Variants in KIF26B observed in about 807,000 individuals in gnomAD.
KIF26B encodes the protein kinesin-like protein KIF26B.
A neutral mutation model predicts 151.2 loss-of-function variants in KIF26B; 63 were observed. The ratio of observed to expected loss-of-function variants is 0.42; its 90% CI spans 0.34 to 0.51. The LOEUF is 0.51. Among genes scored for constraint, KIF26B ranks in the 20% least tolerant of loss-of-function variants. The probability of loss-of-function intolerance (pLI) is 0.07; values close to 1 mark genes in which losing one functional copy is unlikely to be tolerated. For synonymous variants in KIF26B, 1,357 were observed against 1,262.1 expected (o/e 1.08, Z -1.59); for missense variants, 2,813 against 2,913.6 (o/e 0.97, Z 0.79).
At chr1:245,413,286 A>T (rs189320526) in intron 3 of KIF26B, among the ~76,000 whole-genome samples, 313 of 152,338 alleles carry the variant, frequency 2.1e-3, no homozygotes, top group Non-Finnish European at 4.0e-3. Flanking sequence ...CTCAGGAAGA[A>T]TCATGTATCT....
intron 5 of KIF26B, among the ~76,000 whole-genome samples, chr1:245,587,817 G>C (rs2043243812): frequency 6.6e-6 from 1 of 152,192 alleles, no homozygotes; most frequent in Admixed American, 6.5e-5. Flanking sequence ...TGGTCTTGGA[G>C]GAAAGCTGAT....
At chr1:245,360,142 G>T (rs2103005630) in intron 2 of KIF26B, among the ~76,000 whole-genome samples, 1 of 151,720 alleles carries the variant, frequency 6.6e-6, no homozygotes, top group South Asian at 2.1e-4. Context: ...CAAAGTTCTG[G>T]GATTACAGGT....
chr1:245,407,078 G>C (rs947349847), intron 3 of KIF26B, among the ~76,000 whole-genome samples: 2 of 152,194 alleles, frequency 1.3e-5, no homozygotes, highest in African/African-American at 4.8e-5. Context: ...GTAAGCCACT[G>C]TGCCCGGCCC....
rs56893913 is a variant in KIF26B, at chr1:245,652,102, CTGTGTGTGTG to C, written c.2258+5857_2258+5866del. On this transcript the variant is annotated intron_variant, in intron 10 of 14. Transcript: ENST00000407071. ...GAAACGGAGAGGTTCATGTAAGAAT[CTGTGTGTGTG>C]TGTGTGTGTGTGTGTGTGTGTGTGT... 1.4e-3 allele frequency among the ~76,000 whole-genome samples: 191 copies of C among 136,342 alleles called. 2 individuals carry two copies. Among genetic ancestry groups the C allele is most frequent in the East Asian group, 7.3e-3 (35 of 4,800 alleles). 89.4% of individuals were successfully genotyped at this position (136,342 alleles called of 152,430 possible).
intron 2 of KIF26B, among the ~76,000 whole-genome samples, chr1:245,342,409 A>G (rs1672352386): frequency 6.6e-6 from 1 of 152,184 alleles, no homozygotes; most frequent in Non-Finnish European, 1.5e-5. Context: ...TGTGTAATTA[A>G]GAGTGTTAAT....
At chr1:245,262,487 A>G (rs1478420178) in intron 2 of KIF26B, among the ~76,000 whole-genome samples, 1 of 151,566 alleles carries the variant, frequency 6.6e-6, no homozygotes, top group African/African-American at 2.4e-5. Flanking sequence ...GAGTTTCGCT[A>G]TTGTTGCTCT....
chr1:245,317,710 C>G (rs571726008), intron 2 of KIF26B, among the ~76,000 whole-genome samples: 17 of 152,314 alleles, frequency 1.1e-4, no homozygotes, highest in Middle Eastern at 3.4e-3. Context: ...GTCCCTCTCC[C>G]CCAGCTCCTG....
At chr1:245,186,336 A>T (rs1669001202) in intron 2 of KIF26B, among the ~76,000 whole-genome samples, 1 of 152,164 alleles carries the variant, frequency 6.6e-6, no homozygotes, top group Admixed American at 6.5e-5. Context: ...CAAAGAATGG[A>T]CCCTGCTTCC....
In KIF26B at chr1:245,419,659, C is replaced by T. The variant is rs772844890; in HGVS notation, c.1080C>T (p.Ser360=). Residue 360 remains serine, a synonymous_variant, in exon 4 of 15, where the codon TCC becomes TCT. Coordinates refer to ENST00000407071, the MANE Select transcript of KIF26B (RefSeq NM_018012.4). ...ACCGCTACAATGCAGACAAGCCTTC[C>T]GCCTGCAGTGTCCCAGCCTCGCAGG... ...VLNRYNADKP[S]ACSVPASQGS... 2.0e-5 allele frequency: 32 copies of T among 1,613,746 alleles called. No homozygotes were observed. The highest frequency in any genetic ancestry group is 6.7e-5 in the African/African-American group (5 of 74,930).
At chr1:245,242,267 G>T (rs1361154161) in intron 2 of KIF26B, among the ~76,000 whole-genome samples, 1 of 152,138 alleles carries the variant, frequency 6.6e-6, no homozygotes, top group East Asian at 1.9e-4. Flanking sequence ...TGAATGTCCG[G>T]CATTAGCGTT....
In KIF26B at chr1:245,354,873, A is replaced by G. The variant is rs544134144; in HGVS notation, c.466-11961A>G. ...GGAGAGCACCTAGGCCCGGGTGTCAACCTTGACCCCACGGACATCTAGGAC... is the reference window on the plus strand; with the variant it reads ...GGAGAGCACCTAGGCCCGGGTGTCAGCCTTGACCCCACGGACATCTAGGAC... On this transcript the variant is annotated intron_variant, in intron 2 of 14. Coordinates refer to ENST00000407071, the MANE Select transcript of KIF26B (RefSeq NM_018012.4). 7.9e-5 allele frequency among the ~76,000 whole-genome samples: 12 copies of G among 152,338 alleles called. No individual in the cohort carries two copies. The South Asian group carries it at 2.1e-3, about 26-fold the overall frequency.
At chr1:245,487,101 G>GC (rs933211492) in intron 4 of KIF26B, among the ~76,000 whole-genome samples, 3 of 152,112 alleles carry the variant, frequency 2.0e-5, no homozygotes, top group East Asian at 1.9e-4. Context: ...ATTGAGAATG[G>GC]GGGGGGTGGT....
intron 2 of KIF26B, among the ~76,000 whole-genome samples, chr1:245,337,587 T>G (rs1006001848): frequency 2.0e-5 from 3 of 151,788 alleles, no homozygotes; most frequent in Admixed American, 6.6e-5. Flanking sequence ...TGTTTTGGTT[T>G]TCCAATCTTT....
intron 2 of KIF26B, among the ~76,000 whole-genome samples, chr1:245,287,259 CT>C (rs199693343): frequency 0.033 from 5,026 of 151,850 alleles, 96 homozygotes; most frequent in Non-Finnish European, 0.047. Flanking sequence ...TTTTATTAAA[CT>C]TTTTTTTAAG....
intron 2 of KIF26B, among the ~76,000 whole-genome samples, chr1:245,158,333 A>G (rs1668478987): frequency 6.6e-6 from 1 of 152,174 alleles, no homozygotes; most frequent in Non-Finnish European, 1.5e-5. Context: ...AAATGTTGAA[A>G]CTCATACGCA....
intron 2 of KIF26B, among the ~76,000 whole-genome samples, chr1:245,348,884 C>G (rs1427662448): frequency 1.3e-5 from 2 of 152,234 alleles, no homozygotes; most frequent in Non-Finnish European, 2.9e-5. Context: ...CTGTGGCTCA[C>G]AGCCTCACTG....
Position 245,239,882 on chromosome 1 carries a change from GA to G in KIF26B, c.465+83200del, listed in dbSNP as rs1670181114. ...GTGTATTTTTATTTTACTATATAAA[GA>G]GTCACTTTCCGGCCGGGTGTGGTCA... On this transcript the variant is annotated intron_variant, in intron 2 of 14. Coordinates refer to ENST00000407071, the MANE Select transcript of KIF26B (RefSeq NM_018012.4). The surrounding 1 kb of genome is among the most constrained non-coding windows in gnomAD (Gnocchi z 4.3). Among the ~76,000 whole-genome samples the G allele has an allele frequency of 6.6e-6, 1 of 152,008 alleles. No individual in the cohort carries two copies. Among genetic ancestry groups the G allele is most frequent in the Non-Finnish European group, 1.5e-5 (1 of 68,020 alleles).
chr1:245,654,339 A>G (rs2044051757), intron 10 of KIF26B, among the ~76,000 whole-genome samples: 1 of 152,156 alleles, frequency 6.6e-6, no homozygotes, highest in African/African-American at 2.4e-5. Flanking sequence ...AATAAAATTA[A>G]AAAGAATGTA....
chr1:245,574,864 CTTTTTTTTTT>C (rs201010492), intron 5 of KIF26B, among the ~76,000 whole-genome samples: 1 of 126,252 alleles, frequency 7.9e-6, no homozygotes, highest in African/African-American at 3.1e-5. Context: ...TTTTTTTTTT[CTTTTTTTTTT>C]TTTTTTTGAG....
Sources: allele counts gnomAD v4.1 joint callset (sites outside exome capture counted in the v4.1 genomes callset), GRCh38; gene constraint gnomAD v4.1.1; non-coding constraint Gnocchi (gnomAD v3.1); transcripts MANE v1.5; gene names NCBI Gene and HGNC (gene_info 2026-07-23, HGNC 2026-07-21).